The following SH3D21 variants were observed in gnomAD, a reference collection of about 807,000 sequenced individuals.
SH3D21 encodes the protein SH3 domain-containing protein 21.
Under a neutral mutation model 82.1 loss-of-function variants are expected in SH3D21, and 83 were observed. The ratio of observed to expected loss-of-function variants is 1.01; its 90% CI spans 0.85 to 1.21. The LOEUF (loss-of-function observed/expected upper bound fraction) is 1.21. SH3D21 is among the 50% of genes most tolerant of loss of function. SH3D21 has a pLI of 0.00. For synonymous variants in SH3D21, 383 were observed against 387.8 expected, an observed-to-expected ratio of 0.99 and a Z score of 0.15; for missense variants, 980 against 962.1, an observed-to-expected ratio of 1.02 and a Z score of -0.25.
intron 10 of SH3D21, among the ~76,000 whole-genome samples, chr1:36,310,099 C>T (rs1222469982): frequency 2.0e-5 from 3 of 151,884 alleles, no homozygotes; most frequent in South Asian, 2.1e-4. Context: ...GGACTACAGG[C>T]GCCCGCCACC....
chr1:36,313,911 G>A (rs746544329), intron 10 of SH3D21, among the ~76,000 whole-genome samples: 1 of 150,604 alleles, frequency 6.6e-6, no homozygotes, highest in Non-Finnish European at 1.5e-5. Context: ...GGTATGAAGT[G>A]GTATCTCATT....
rs1646136814 is a variant in SH3D21, at chr1:36,306,954, A to G, written c.226+49A>G. On this transcript the variant is annotated intron_variant, in intron 3 of 15. Coordinates refer to ENST00000453908, the MANE Select transcript of SH3D21 (RefSeq NM_001162530.2). This position sits in a 1 kb window ranked among gnomAD's most constrained non-coding sequence, Gnocchi z 4.5. ...CGCCGGTGGGCGGGTGCACGGAGCC[A>G]GTGCGACCCCGGCGTCTCCGGCTCT... is the stretch of plus-strand genomic sequence containing the variant. 16 of 1,337,868 alleles carry G rather than the reference A, an allele frequency of 1.2e-5. No individual in the cohort carries two copies. The highest frequency in any genetic ancestry group is 3.1e-5 in the Admixed American group (1 of 32,256). The allele number at this position is 1,337,868 out of a possible 1,614,324, so 82.9% of individuals were successfully genotyped here. A position where few individuals can be genotyped will look rare whatever the true frequency, so the allele number is the denominator to read the frequency against.
chr1:36,307,144 C>G lies in SH3D21; in HGVS notation c.227-23C>G. On this transcript the variant is annotated intron_variant, in intron 3 of 15. Coordinates refer to ENST00000453908, the MANE Select transcript of SH3D21 (RefSeq NM_001162530.2). This position sits in a 1 kb window ranked among gnomAD's most constrained non-coding sequence, Gnocchi z 5.4. ...CTGACTGGGGCGTCCGACTGGAGCTCAGCCGCGCTTGTCCGGTGCTAGGTC... is the reference window on the plus strand; with the variant it reads ...CTGACTGGGGCGTCCGACTGGAGCTGAGCCGCGCTTGTCCGGTGCTAGGTC... The G allele has an allele frequency of 1.9e-6, 3 of 1,551,116 alleles. No homozygotes were observed. Among genetic ancestry groups the G allele is most frequent in the Non-Finnish European group, 2.6e-6 (3 of 1,146,750 alleles).
downstream of SH3D21, chr1:36,322,676 G>A: frequency 6.5e-7 from 1 of 1,547,410 alleles, no homozygotes; most frequent in Non-Finnish European, 8.7e-7. Flanking sequence ...TGAGCAGCAG[G>A]CCGAAGCAGA....
intron 10 of SH3D21, among the ~76,000 whole-genome samples, chr1:36,312,682 C>T (rs1170240968): frequency 2.6e-5 from 4 of 152,086 alleles, no homozygotes; most frequent in African/African-American, 9.7e-5. Flanking sequence ...TTGTCATGTT[C>T]CTGATTTTGA....
At position 36,307,012 on chromosome 1, in the gene SH3D21, G is replaced by C. The variant is rs1266426800; in HGVS notation, c.226+107G>C. ...GGGCGCGGCTCTGGGCGGGACCTCG[G>C]GGCCGCCCTGCGGTCTGTGATTGGT... On this transcript the variant is annotated intron_variant, in intron 3 of 15. Coordinates refer to ENST00000453908, the MANE Select transcript of SH3D21 (RefSeq NM_001162530.2). The surrounding 1 kb of genome is among the most constrained non-coding windows in gnomAD (Gnocchi z 5.4). The C allele has an allele frequency of 1.3e-5, 19 of 1,420,896 alleles. No homozygotes were observed. In the East Asian group the frequency reaches 5.2e-4, roughly 39 times the overall value. The allele number at this position is 1,420,896 out of a possible 1,614,324, so 88.0% of individuals were successfully genotyped here.
chr1:36,320,861 C>G, intron 14 of SH3D21, 54 bp from the exon 15 acceptor site: 2 of 1,550,796 alleles, frequency 1.3e-6, no homozygotes, highest in Non-Finnish European at 1.7e-6. Flanking sequence ...CCTGCGCAGC[C>G]CCTCACCTCC....
chr1:36,323,731 G>A (rs1047890225), downstream of SH3D21: 1 of 152,126 alleles, frequency 6.6e-6, no homozygotes, highest in African/African-American at 2.4e-5. Flanking sequence ...CAGCCGGGAG[G>A]AGGGAGAGCC....
chr1:36,310,715 T>C (rs1646222019), intron 10 of SH3D21, among the ~76,000 whole-genome samples: 1 of 152,150 alleles, frequency 6.6e-6, no homozygotes, highest in Admixed American at 6.5e-5. Context: ...CTCTTTCCTA[T>C]TCTACCACTT....
chr1:36,307,347 C>T lies in SH3D21; in HGVS notation c.345+62C>T, dbSNP rs576589745. On this transcript the variant is annotated intron_variant, in intron 4 of 15. Coordinates refer to ENST00000453908, the MANE Select transcript of SH3D21 (RefSeq NM_001162530.2). The surrounding 1 kb of genome is among the most constrained non-coding windows in gnomAD (Gnocchi z 5.4). Reference sequence around the variant, plus strand: ...TGATGGAACGCGCCTCCCTAGTGAGCGGGGTGGGAAGTGAGGGTGTGGACG... The same window carrying T: ...TGATGGAACGCGCCTCCCTAGTGAGTGGGGTGGGAAGTGAGGGTGTGGACG... The T allele has an allele frequency of 4.6e-3, 7,151 of 1,541,746 alleles. 21 individuals are homozygous for T. The highest frequency in any genetic ancestry group is 6.0e-3 in the Non-Finnish European group (6,868 of 1,139,460).
chr1:36,319,370 T>G (rs1010985516), intron 12 of SH3D21, 58 bp downstream of exon 12: 2 of 1,550,488 alleles, frequency 1.3e-6, no homozygotes, highest in Non-Finnish European at 1.7e-6. Context: ...GGGGTGGCTG[T>G]GCGGAGGGAC....
rs946771396 is a variant in SH3D21 at position 36,306,872 on chromosome 1, G to A, written c.193G>A (p.Glu65Lys). The change falls in exon 3 of 16, where the codon GAG (glutamate) becomes AAG (lysine). Residue 65 changes from glutamate to lysine, a missense_variant. Coordinates refer to ENST00000453908, the MANE Select transcript of SH3D21 (RefSeq NM_001162530.2). The surrounding 1 kb of genome is among the most constrained non-coding windows in gnomAD (Gnocchi z 4.5). ...EIPETLRGSG[E>K]ARRPRCARRR... Reference sequence around the variant, plus strand: ...CCCAGAGACCCTGCGGGGCTCCGGAGAGGCGCGGAGGCCGCGCTGTGCGCG... The same window carrying A: ...CCCAGAGACCCTGCGGGGCTCCGGAAAGGCGCGGAGGCCGCGCTGTGCGCG... 134 of 1,300,134 alleles carry A rather than the reference G, an allele frequency of 1.0e-4. No individual in the cohort carries two copies. Among genetic ancestry groups the A allele is most frequent in the Non-Finnish European group, 1.2e-4 (121 of 995,698 alleles). 80.5% of individuals were successfully genotyped at this position (1,300,134 alleles called of 1,614,324 possible). A position where few individuals can be genotyped will look rare whatever the true frequency, so the allele number is the denominator to read the frequency against.
intron 10 of SH3D21, among the ~76,000 whole-genome samples, chr1:36,310,569 C>G (rs1483377518): frequency 1.3e-5 from 2 of 150,706 alleles, no homozygotes; most frequent in Non-Finnish European, 2.9e-5. Flanking sequence ...GAGCTGAGAT[C>G]ATGCCACTGT....
chr1:36,322,076 T>A, downstream of SH3D21: 2 of 1,347,468 alleles, frequency 1.5e-6, no homozygotes. Context: ...CACCTCTTCA[T>A]CGACCCCAGA....
chr1:36,322,090 G>A, downstream of SH3D21: 5 of 1,355,764 alleles, frequency 3.7e-6, no homozygotes, highest in Non-Finnish European at 4.7e-6. Flanking sequence ...CCCCAGAGAG[G>A]GAGTGGGGAC....
chr1:36,308,712 G>A (rs542670100), intron 9 of SH3D21, among the ~76,000 whole-genome samples: 200 of 152,294 alleles, frequency 1.3e-3, no homozygotes, highest in African/African-American at 4.5e-3. Context: ...TGCCGGGTAC[G>A]GTGGCTCACG....
At chr1:36,321,920 G>A, downstream of SH3D21, 1 of 1,092,634 alleles carries the variant, frequency 9.2e-7, no homozygotes, top group South Asian at 3.9e-5. This position sits in a 1 kb window ranked among gnomAD's most constrained non-coding sequence, Gnocchi z 6.1. Context: ...TGGTGGGTGG[G>A]GGTGGTGCAG....
downstream of SH3D21, among the ~76,000 whole-genome samples, chr1:36,329,903 C>G (rs1646576653): frequency 6.6e-6 from 1 of 151,990 alleles, no homozygotes; most frequent in South Asian, 2.1e-4. Flanking sequence ...TCGCATAGGT[C>G]TTACAATACA....
intron 9 of SH3D21, 96 bp from the exon 10 acceptor site, chr1:36,309,452 C>A: frequency 7.1e-7 from 1 of 1,401,812 alleles, no homozygotes; most frequent in Non-Finnish European, 9.8e-7. Flanking sequence ...TCCCAAAGTG[C>A]TGGGATTATA....
Sources: allele counts gnomAD v4.1 joint callset (sites outside exome capture counted in the v4.1 genomes callset), GRCh38; gene constraint gnomAD v4.1.1; non-coding constraint Gnocchi (gnomAD v3.1); transcripts MANE v1.5; gene names NCBI Gene and HGNC (gene_info 2026-07-23, HGNC 2026-07-21).